AKAP13: variants seen among roughly 807,000 people sequenced by gnomAD.
AKAP13 encodes A-kinase anchoring protein 13.
A neutral mutation model predicts 264.5 loss-of-function variants in AKAP13; 80 were observed. The ratio of observed to expected loss-of-function variants is 0.30; its 90% CI spans 0.25 to 0.36. The LOEUF (loss-of-function observed/expected upper bound fraction) is 0.36. Ranked by LOEUF, AKAP13 falls within the 10% of genes least tolerant of loss-of-function variation. The pLI is 1.00. For synonymous variants in AKAP13, 1,380 were observed against 1,250.2 expected (o/e 1.10, Z -2.19); for missense variants, 3,712 against 3,435.2 (o/e 1.08, Z -2.01).
At chr15:85,736,818 C>T (rs1393884137) in intron 33 of AKAP13, among the ~76,000 whole-genome samples, 2 of 151,690 alleles carry the variant, frequency 1.3e-5, no homozygotes, top group East Asian at 1.9e-4. Context: ...AAGCCTGATA[C>T]TAAGAGCCAC....
At chr15:85,714,164 C>G (rs1017311764) in intron 19 of AKAP13, among the ~76,000 whole-genome samples, 1 of 152,008 alleles carries the variant, frequency 6.6e-6, no homozygotes, top group Non-Finnish European at 1.5e-5. Flanking sequence ...TGTATTCTTA[C>G]AATAAATTAA....
intron 4 of AKAP13, among the ~76,000 whole-genome samples, chr15:85,542,609 C>T (rs1021581209): frequency 4.6e-5 from 7 of 152,208 alleles, no homozygotes; most frequent in African/African-American, 9.7e-5. Context: ...CTGAGGCAGG[C>T]ACAACTTCAG....
chr15:85,651,569 G>A (rs1441976480), intron 10 of AKAP13: 2 of 152,176 alleles, frequency 1.3e-5, no homozygotes, highest in African/African-American at 4.8e-5. Flanking sequence ...TTGCACAGAG[G>A]CCATGCTAAT....
intron 8 of AKAP13, among the ~76,000 whole-genome samples, chr15:85,598,734 G>A (rs2079928006): frequency 6.6e-6 from 1 of 152,154 alleles, no homozygotes; most frequent in South Asian, 2.1e-4. Context: ...TGACACCTGG[G>A]TCGTGGGAAC....
intron 1 of AKAP13, among the ~76,000 whole-genome samples, chr15:85,422,421 T>TTGTC (rs1416903176): frequency 6.6e-6 from 1 of 152,182 alleles, no homozygotes; most frequent in Non-Finnish European, 1.5e-5. Flanking sequence ...TGAGAAAACT[T>TTGTC]TGTCCTTATG....
intron 8 of AKAP13, among the ~76,000 whole-genome samples, chr15:85,631,909 C>T (rs528529494): frequency 1.6e-4 from 24 of 151,852 alleles, no homozygotes; most frequent in African/African-American, 5.6e-4. Flanking sequence ...ATTTGGGAAA[C>T]TACAGGAAAG....
chr15:85,605,722 C>G (rs1278437178), intron 8 of AKAP13, among the ~76,000 whole-genome samples: 1 of 152,128 alleles, frequency 6.6e-6, no homozygotes, highest in East Asian at 1.9e-4. Context: ...TTAGACATAT[C>G]TCAAGGATGG....
intron 8 of AKAP13, among the ~76,000 whole-genome samples, chr15:85,616,021 T>C (rs1182451312): frequency 2.6e-5 from 4 of 152,158 alleles, no homozygotes; most frequent in Non-Finnish European, 5.9e-5. Flanking sequence ...GAGAGTAAAA[T>C]TGATCATTGA....
intron 1 of AKAP13, among the ~76,000 whole-genome samples, chr15:85,384,710 C>A (rs1043679126): frequency 7.0e-6 from 1 of 143,260 alleles, no homozygotes; most frequent in African/African-American, 2.5e-5. Context: ...GAGCGAGACT[C>A]CGTCTGAAAA....
At position 85,575,176 on chromosome 15, in the gene AKAP13, A is replaced by T. The variant is rs996352354; in HGVS notation, c.708A>T (p.Glu236Asp). 1 of 1,614,110 alleles carries T rather than the reference A, an allele frequency of 6.2e-7. No homozygotes were observed. The highest frequency in any genetic ancestry group is 2.2e-5 in the East Asian group (1 of 44,876). ...EPDSWSSLSY[E>D]IPYGDCSVRH... ...ACTCCTGGAGCAGTTTATCCTATGA[A>T]ATACCGTATGGAGACTGTTCTGTGA... is the stretch of plus-strand genomic sequence containing the variant. The change falls in exon 6 of 37, where the codon GAA becomes GAT. Residue 236 changes from glutamate (E) to aspartate (D), a missense_variant. Around this residue, in one of 3 missense-constraint regions of AKAP13, gnomAD observed 2,759 missense variants for 2,411.7 expected, o/e 1.14. Transcript: ENST00000394518.
In AKAP13 at chr15:85,416,542, A is replaced by G. The variant is rs143773678; in HGVS notation, c.-12+35744A>G. 8.8e-4 allele frequency among the ~76,000 whole-genome samples: 134 copies of G among 152,316 alleles called. 1 individual carries two copies. Among genetic ancestry groups the G allele is most frequent in the African/African-American group, 3.0e-3 (124 of 41,556 alleles). On this transcript the variant is annotated intron_variant, in intron 1 of 36. Coordinates refer to ENST00000394518, the MANE Select transcript of AKAP13 (RefSeq NM_007200.5). ...ATAATTTTTGGGACTCCAGTGGTCA[A>G]TGAGTATGTCTCAGGTACTTAATTT...
At chr15:85,415,181 C>G in intron 1 of AKAP13, 3 of 1,196,194 alleles carry the variant, frequency 2.5e-6, no homozygotes, top group Non-Finnish European at 3.6e-6. Flanking sequence ...CACGCTGCCA[C>G]GCCGACGCAG....
At chr15:85,464,959 G>A (rs923957242) in intron 1 of AKAP13, among the ~76,000 whole-genome samples, 7 of 151,594 alleles carry the variant, frequency 4.6e-5, no homozygotes, top group Non-Finnish European at 1.0e-4. Context: ...TTATTTTTTT[G>A]AGATGGAGCC....
intron 8 of AKAP13, among the ~76,000 whole-genome samples, chr15:85,638,979 G>A (rs1035545438): frequency 6.6e-6 from 1 of 152,076 alleles, no homozygotes; most frequent in African/African-American, 2.4e-5. Context: ...GACTTGTCTT[G>A]AACTCCTGGC....
Position 85,743,708 on chromosome 15 carries a change from G to T in AKAP13, c.8275G>T (p.Gly2759Trp), listed in dbSNP as rs368000927. ...STSQTNKGPE[G>W]QSQAPASTSA... ...CAGCCAGACAAACAAAGGACCAGAA[G>T]GGCAGAGCCAGGCCCCTGCGTCCAC... is the stretch of plus-strand genomic sequence containing the variant. Residue 2759 changes from glycine to tryptophan, a missense_variant, in exon 36 of 37, where the codon GGG becomes TGG. By Grantham distance (184) the Gly-to-Trp change is radical. This residue lies in a region of AKAP13 where 611 missense variants were observed against 539.3 expected (regional missense o/e 1.13). Transcript: ENST00000394518. 12 of 1,614,062 alleles carry T rather than the reference G, an allele frequency of 7.4e-6. No homozygotes were observed. Among genetic ancestry groups the T allele is most frequent in the Non-Finnish European group, 1.0e-5 (12 of 1,180,054 alleles).
intron 5 of AKAP13, among the ~76,000 whole-genome samples, chr15:85,571,769 A>C (rs1257839468): frequency 6.6e-6 from 1 of 152,230 alleles, no homozygotes; most frequent in Non-Finnish European, 1.5e-5. Context: ...TGCTGAATGA[A>C]TGGATGATGG....
chr15:85,440,357 T>C (rs1327461859), intron 1 of AKAP13, among the ~76,000 whole-genome samples: 1 of 152,214 alleles, frequency 6.6e-6, no homozygotes, highest in African/African-American at 2.4e-5. Flanking sequence ...AATTTAAATT[T>C]CCCTTTTCCT....
At chr15:85,539,844 T>C (rs2077525697) in intron 4 of AKAP13, among the ~76,000 whole-genome samples, 1 of 152,172 alleles carries the variant, frequency 6.6e-6, no homozygotes, top group Non-Finnish European at 1.5e-5. Flanking sequence ...CATTACAGCA[T>C]AAAGAAAAGG....
rs982107331 is a variant in AKAP13 at position 85,527,068 on chromosome 15, C to A, written c.181+5493C>A. On this transcript the variant is annotated intron_variant, in intron 3 of 36. Transcript: ENST00000394518. ...CTCCTGGGTTCAGGCCATTCTCCTG[C>A]CTCAGCCTCCCGAGTTCCCGAGTAG... Among the ~76,000 whole-genome samples, 23 of 152,044 alleles carry A rather than the reference C, an allele frequency of 1.5e-4. No individual in the cohort carries two copies. In the East Asian group the frequency reaches 4.5e-3, roughly 29 times the overall value.
Sources: allele counts gnomAD v4.1 joint callset (sites outside exome capture counted in the v4.1 genomes callset), GRCh38; gene constraint gnomAD v4.1.1; regional missense constraint gnomAD v4.1.1; transcripts MANE v1.5; gene names NCBI Gene and HGNC (gene_info 2026-07-23, HGNC 2026-07-21).